The following GOLM2 variants were observed in gnomAD, a reference collection of about 807,000 sequenced individuals.
GOLM2 encodes protein GOLM2.
GOLM2 carries 26 observed loss-of-function variants against 55.9 expected under a neutral mutation model. That is an observed-to-expected ratio of 0.47 (90% CI 0.34 to 0.65). The LOEUF (loss-of-function observed/expected upper bound fraction) is 0.65. Ranked by LOEUF, GOLM2 falls within the 30% of genes least tolerant of loss-of-function variation. GOLM2 has a pLI of 0.01. For synonymous variants in GOLM2, 165 were observed against 194.6 expected (o/e 0.85, Z 1.27); for missense variants, 486 against 531.8 (o/e 0.91, Z 0.85).
chr15:44,393,481 T>C (rs947886519), intron 8 of GOLM2, among the ~76,000 whole-genome samples: 13 of 152,112 alleles, frequency 8.5e-5, no homozygotes, highest in Non-Finnish European at 1.6e-4. Context: ...GGGTTTTGGG[T>C]GGAATCTGAT....
At chr15:44,314,236 CAAAA>C (rs1238536916) in intron 1 of GOLM2, among the ~76,000 whole-genome samples, 1 of 121,732 alleles carries the variant, frequency 8.2e-6, no homozygotes. Context: ...AACTCCGTCT[CAAAA>C]AAAAAAAAAG....
In GOLM2 at chr15:44,411,560, C is replaced by T. The variant is rs927978442; in HGVS notation, c.1241-1776C>T. 6.6e-5 allele frequency among the ~76,000 whole-genome samples: 10 copies of T among 152,098 alleles called. No individual in the cohort carries two copies. In the South Asian group the frequency reaches 8.3e-4, roughly 13 times the overall value. ...ATATCATAAAAATCCATGTACTCTA[C>T]GCCAGGCGCGGTGGCTTATGCCTGT... On this transcript the variant is annotated intron_variant, in intron 9 of 9. Transcript: ENST00000299957.
chr15:44,405,738 A>T (rs1010534203), intron 9 of GOLM2, among the ~76,000 whole-genome samples: 4 of 151,958 alleles, frequency 2.6e-5, no homozygotes, highest in African/African-American at 9.7e-5. Flanking sequence ...CTCCTGCCTC[A>T]GCCTCCTGAG....
chr15:44,341,648 T>C (rs2079091189), intron 6 of GOLM2, among the ~76,000 whole-genome samples: 1 of 152,000 alleles, frequency 6.6e-6, no homozygotes, highest in African/African-American at 2.4e-5. Context: ...CGCTTCTGCT[T>C]TCTTAATAAT....
At chr15:44,330,248 C>G (rs887943198) in intron 3 of GOLM2, among the ~76,000 whole-genome samples, 1 of 144,298 alleles carries the variant, frequency 6.9e-6, no homozygotes, top group African/African-American at 2.6e-5. Flanking sequence ...TGCAGTGGCT[C>G]ACGCCTGTAA....
intron 6 of GOLM2, among the ~76,000 whole-genome samples, chr15:44,349,266 A>C (rs1357889404): frequency 6.6e-6 from 1 of 151,886 alleles, no homozygotes; most frequent in African/African-American, 2.4e-5. Flanking sequence ...TCTCAAAAAA[A>C]AAAAAAAAAA....
chr15:44,317,793 CCCCAAG>C (rs960196814), intron 1 of GOLM2, among the ~76,000 whole-genome samples: 1 of 152,178 alleles, frequency 6.6e-6, no homozygotes, highest in Non-Finnish European at 1.5e-5. Flanking sequence ...CTCTCCCTGA[CCCCAAG>C]TCTGTTCCTC....
At chr15:44,298,201 C>A (rs1174155699) in intron 1 of GOLM2, among the ~76,000 whole-genome samples, 1 of 151,460 alleles carries the variant, frequency 6.6e-6, no homozygotes. Context: ...GCTTCTGATC[C>A]ATGTCCACTA....
chr15:44,379,934 A>G, intron 7 of GOLM2, 146 bp downstream of exon 7: 1 of 484,766 alleles, frequency 2.1e-6, no homozygotes, highest in Non-Finnish European at 3.6e-6. Context: ...GACTAGTAAA[A>G]GCAGAGAGAA....
intron 6 of GOLM2, among the ~76,000 whole-genome samples, chr15:44,360,540 C>T (rs1223796685): frequency 6.6e-6 from 1 of 152,158 alleles, no homozygotes; most frequent in Non-Finnish European, 1.5e-5. Context: ...CAGGAGCACC[C>T]AGATTCATAA....
chr15:44,314,851 G>A (rs1027901506), intron 1 of GOLM2, among the ~76,000 whole-genome samples: 4 of 152,170 alleles, frequency 2.6e-5, no homozygotes, highest in Non-Finnish European at 5.9e-5. Flanking sequence ...TTTGTGAAAT[G>A]GGGAAAAATA....
intron 6 of GOLM2, among the ~76,000 whole-genome samples, chr15:44,374,726 T>G (rs187141156): frequency 5.7e-4 from 86 of 152,144 alleles, no homozygotes; most frequent in African/African-American, 2.1e-3. Context: ...CTAGATCCTG[T>G]GAGAACTCTA....
intron 6 of GOLM2, among the ~76,000 whole-genome samples, chr15:44,368,713 A>G (rs2079303156): frequency 6.6e-6 from 1 of 151,836 alleles, no homozygotes; most frequent in Admixed American, 6.6e-5. Flanking sequence ...ACACATATAT[A>G]TACACATATA....
At chr15:44,349,618 A>G (rs1034591883) in intron 6 of GOLM2, among the ~76,000 whole-genome samples, 1 of 152,220 alleles carries the variant, frequency 6.6e-6, no homozygotes, top group Non-Finnish European at 1.5e-5. Flanking sequence ...ATCAGACTTC[A>G]TCTACACTAT....
chr15:44,388,847 G>A (rs1366146636), intron 8 of GOLM2, among the ~76,000 whole-genome samples: 1 of 151,636 alleles, frequency 6.6e-6, no homozygotes, highest in Non-Finnish European at 1.5e-5. Context: ...ACGGAGTCTC[G>A]GTCTGTCGCC....
chr15:44,358,306 A>G (rs2079211270), intron 6 of GOLM2, among the ~76,000 whole-genome samples: 2 of 152,218 alleles, frequency 1.3e-5, no homozygotes, highest in African/African-American at 4.8e-5. Flanking sequence ...GTGAGCCAAG[A>G]GCACTTCATG....
intron 8 of GOLM2, among the ~76,000 whole-genome samples, chr15:44,393,004 C>T (rs1042723906): frequency 1.3e-5 from 2 of 152,072 alleles, no homozygotes; most frequent in African/African-American, 4.8e-5. Flanking sequence ...TTCTATTCCG[C>T]TTTTCACTGT....
At chr15:44,313,982 A>C (rs925366204) in intron 1 of GOLM2, among the ~76,000 whole-genome samples, 2 of 152,170 alleles carry the variant, frequency 1.3e-5, no homozygotes, top group African/African-American at 4.8e-5. Context: ...TCATGCCTGT[A>C]ATCCCAACAC....
intron 1 of GOLM2, among the ~76,000 whole-genome samples, chr15:44,305,335 T>C (rs959607098): frequency 1.3e-5 from 2 of 152,000 alleles, no homozygotes; most frequent in African/African-American, 4.8e-5. Context: ...AGTCTTGATC[T>C]GTCACTTAGG....
Sources: allele counts gnomAD v4.1 joint callset (sites outside exome capture counted in the v4.1 genomes callset), GRCh38; gene constraint gnomAD v4.1.1; transcripts MANE v1.5; gene names NCBI Gene and HGNC (gene_info 2026-07-23, HGNC 2026-07-21).